EPHA7: variants seen among roughly 807,000 people sequenced by gnomAD.
EPHA7 encodes EPH receptor A7.
EPHA7 carries 25 observed loss-of-function variants against 112.6 expected under a neutral mutation model. The observed-to-expected ratio is 0.22, with a 90% CI of 0.16 to 0.31. The LOEUF is 0.31. Among genes scored for constraint, EPHA7 ranks in the 10% least tolerant of loss-of-function variants. The probability of loss-of-function intolerance (pLI) is 1.00; values close to 1 mark genes in which losing one functional copy is unlikely to be tolerated. For missense variants in EPHA7, 962 were observed against 1,212.6 expected, an observed-to-expected ratio of 0.79 and a Z score of 3.07; for synonymous variants, 437 against 406.5, an observed-to-expected ratio of 1.07 and a Z score of -0.90.
At chr6:93,380,885 T>C (rs560884543) in intron 3 of EPHA7, among the ~76,000 whole-genome samples, 1 of 152,286 alleles carries the variant, frequency 6.6e-6, no homozygotes, top group African/African-American at 2.4e-5. Context: ...TTCATGAATG[T>C]ATTGGCAAGT....
intron 3 of EPHA7, among the ~76,000 whole-genome samples, chr6:93,395,846 A>G (rs866631702): frequency 6.6e-5 from 10 of 151,968 alleles, no homozygotes; most frequent in East Asian, 1.9e-4. Context: ...TTCTCCTCTG[A>G]AAGTGTCATA....
At chr6:93,326,506 CTA>C (rs1254952586) in intron 5 of EPHA7, among the ~76,000 whole-genome samples, 2 of 151,444 alleles carry the variant, frequency 1.3e-5, no homozygotes, top group African/African-American at 4.8e-5. Context: ...AAAATTATCT[CTA>C]TGTGAAGATT....
intron 5 of EPHA7, among the ~76,000 whole-genome samples, chr6:93,338,763 G>T (rs538910331): frequency 2.0e-4 from 31 of 151,322 alleles, no homozygotes; most frequent in Non-Finnish European, 4.4e-4. Flanking sequence ...TAAAATAATT[G>T]TCTTCCAAAG....
intron 5 of EPHA7, among the ~76,000 whole-genome samples, chr6:93,301,106 T>C (rs953345783): frequency 6.6e-6 from 1 of 152,218 alleles, no homozygotes; most frequent in Non-Finnish European, 1.5e-5. Flanking sequence ...AATGTCATTA[T>C]GTAGCATATG....
intron 1 of EPHA7, among the ~76,000 whole-genome samples, chr6:93,416,721 C>T (rs1779247313): frequency 6.6e-6 from 1 of 152,208 alleles, no homozygotes; most frequent in Non-Finnish European, 1.5e-5. Context: ...CTCGGCTCAC[C>T]CGGACGCTGG....
intron 5 of EPHA7, among the ~76,000 whole-genome samples, chr6:93,354,963 G>A (rs1024712413): frequency 1.3e-5 from 2 of 152,054 alleles, no homozygotes; most frequent in African/African-American, 2.4e-5. Flanking sequence ...GTAGAACCAA[G>A]TTTATATTAA....
At chr6:93,399,690 A>G (rs1778346531) in intron 3 of EPHA7, among the ~76,000 whole-genome samples, 1 of 151,984 alleles carries the variant, frequency 6.6e-6, no homozygotes, top group Non-Finnish European at 1.5e-5. Flanking sequence ...GTGCGCGTGC[A>G]CATACATATG....
chr6:93,405,805 GTGTGTGTGTATA>G (rs1273240941), intron 3 of EPHA7, among the ~76,000 whole-genome samples: 1 of 64,470 alleles, frequency 1.6e-5, no homozygotes, highest in African/African-American at 7.0e-5. Context: ...GTGTGTGTGT[GTGTGTGTGTATA>G]TATATATATA....
At chr6:93,396,423 C>T (rs1013219445) in intron 3 of EPHA7, among the ~76,000 whole-genome samples, 13 of 151,698 alleles carry the variant, frequency 8.6e-5, no homozygotes, top group Non-Finnish European at 2.9e-5. Flanking sequence ...ATAGATCCTA[C>T]CCTGACTAAA....
intron 3 of EPHA7, among the ~76,000 whole-genome samples, chr6:93,383,224 T>C (rs762433069): frequency 6.6e-6 from 1 of 151,486 alleles, no homozygotes; most frequent in African/African-American, 2.4e-5. Context: ...CATACACATA[T>C]ACATATATAT....
At chr6:93,296,455 A>T (rs9363057) in intron 5 of EPHA7, among the ~76,000 whole-genome samples, 2 of 98,492 alleles carry the variant, frequency 2.0e-5, no homozygotes, top group Non-Finnish European at 2.2e-5. Flanking sequence ...ATATATATAA[A>T]TATATATATA....
chr6:93,349,561 TG>T (rs904467172), intron 5 of EPHA7, among the ~76,000 whole-genome samples: 3 of 151,972 alleles, frequency 2.0e-5, no homozygotes, highest in African/African-American at 7.2e-5. Context: ...AAATGGTTCC[TG>T]TTTTTTGCAT....
intron 5 of EPHA7, among the ~76,000 whole-genome samples, chr6:93,289,580 C>T (rs187720762): frequency 9.0e-4 from 137 of 151,558 alleles, no homozygotes; most frequent in African/African-American, 3.1e-3. Context: ...GCCAAGATCG[C>T]GCCACTGCAC....
intron 6 of EPHA7, among the ~76,000 whole-genome samples, chr6:93,271,403 A>G (rs1466820703): frequency 6.6e-6 from 1 of 151,842 alleles, no homozygotes; most frequent in Non-Finnish European, 1.5e-5. Flanking sequence ...TCTATTGTCT[A>G]AACAGTTAAA....
chr6:93,338,005 A>C (rs553867966), intron 5 of EPHA7, among the ~76,000 whole-genome samples: 60 of 152,164 alleles, frequency 3.9e-4, no homozygotes, highest in South Asian at 4.1e-4. Flanking sequence ...AGGGAAGAAG[A>C]AGCATTGGGA....
At chr6:93,372,858 T>C (rs1295446915) in intron 3 of EPHA7, among the ~76,000 whole-genome samples, 1 of 152,122 alleles carries the variant, frequency 6.6e-6, no homozygotes, top group Non-Finnish European at 1.5e-5. Flanking sequence ...AGTTTATACA[T>C]TGGCTTTGCC....
chr6:93,266,323 G>A (rs345722), intron 7 of EPHA7, among the ~76,000 whole-genome samples: 14,581 of 151,442 alleles, frequency 0.096, 782 homozygotes, highest in Admixed American at 0.14. Flanking sequence ...TGTCCCATGG[G>A]CCTAATTCTC....
chr6:93,369,696 C>T (rs940467694), intron 3 of EPHA7, among the ~76,000 whole-genome samples: 2 of 152,110 alleles, frequency 1.3e-5, no homozygotes, highest in African/African-American at 4.8e-5. Context: ...CCGTGAAACC[C>T]TCAAGTTCAG....
chr6:93,260,972 T>A (rs955602129), intron 9 of EPHA7, among the ~76,000 whole-genome samples: 1 of 151,656 alleles, frequency 6.6e-6, no homozygotes, highest in Non-Finnish European at 1.5e-5. Context: ...CTTTCTTTCA[T>A]TTTTTTAAAA....
Sources: allele counts gnomAD v4.1 joint callset (sites outside exome capture counted in the v4.1 genomes callset), GRCh38; gene constraint gnomAD v4.1.1; transcripts MANE v1.5; gene names NCBI Gene and HGNC (gene_info 2026-07-23, HGNC 2026-07-21).